Variants in DNAH9 observed in about 807,000 individuals in gnomAD.
DNAH9 encodes the protein DNAH9 variant protein.
DNAH9 carries 345 observed loss-of-function variants against 471.6 expected under a neutral mutation model. That is an observed-to-expected ratio of 0.73 (90% CI 0.67 to 0.80). DNAH9 has a LOEUF of 0.80. Ranked by LOEUF, DNAH9 falls within the 30% of genes least tolerant of loss-of-function variation. The probability of loss-of-function intolerance (pLI) is 0.00; values close to 1 mark genes in which losing one functional copy is unlikely to be tolerated. For synonymous variants in DNAH9, 2,093 were observed against 2,123.6 expected (o/e 0.99, Z 0.40); for missense variants, 5,407 against 5,609.2 (o/e 0.96, Z 1.15).
intron 32 of DNAH9, among the ~76,000 whole-genome samples, chr17:11,752,318 G>A (rs1967190952): frequency 6.6e-6 from 1 of 152,192 alleles, no homozygotes; most frequent in African/African-American, 2.4e-5. Flanking sequence ...GTTACTTGCT[G>A]TAATGATCCA....
At chr17:11,890,899 C>A (rs1268000088) in intron 57 of DNAH9, among the ~76,000 whole-genome samples, 4 of 152,126 alleles carry the variant, frequency 2.6e-5, no homozygotes, top group Admixed American at 6.5e-5. Context: ...CTTGCCCAGG[C>A]TCGTTTTGAA....
intron 28 of DNAH9, among the ~76,000 whole-genome samples, chr17:11,733,684 C>A (rs982293465): frequency 6.6e-6 from 1 of 151,868 alleles, no homozygotes. Flanking sequence ...AGTGAAACCC[C>A]GTCTCTACTA....
chr17:11,723,999 C>A (rs925238521), intron 27 of DNAH9, among the ~76,000 whole-genome samples: 3 of 152,040 alleles, frequency 2.0e-5, no homozygotes, highest in African/African-American at 7.2e-5. Flanking sequence ...TTTAAAACAT[C>A]TTTTTTATTG....
intron 48 of DNAH9, among the ~76,000 whole-genome samples, chr17:11,824,045 A>G (rs1970406513): frequency 6.6e-6 from 1 of 152,010 alleles, no homozygotes; most frequent in African/African-American, 2.4e-5. Flanking sequence ...CAATTTGCTC[A>G]TCTTCCCTTG....
At chr17:11,860,921 G>A (rs1025608751) in intron 50 of DNAH9, among the ~76,000 whole-genome samples, 6 of 151,898 alleles carry the variant, frequency 4.0e-5, no homozygotes, top group Non-Finnish European at 7.4e-5. Context: ...TCAATGTCTT[G>A]TTCCTTTGTG....
At chr17:11,879,026 A>G (rs899774443) in intron 53 of DNAH9, among the ~76,000 whole-genome samples, 7 of 152,110 alleles carry the variant, frequency 4.6e-5, no homozygotes, top group South Asian at 2.1e-4. Flanking sequence ...TTAATTAGAC[A>G]TGTCATTTTA....
intron 45 of DNAH9, among the ~76,000 whole-genome samples, chr17:11,810,898 A>C (rs567390162): frequency 2.0e-5 from 3 of 152,326 alleles, no homozygotes; most frequent in East Asian, 3.9e-4. Flanking sequence ...TCCCCAAAAA[A>C]CTTGACAGAG....
intron 49 of DNAH9, among the ~76,000 whole-genome samples, chr17:11,848,867 C>T (rs998117230): frequency 2.4e-4 from 36 of 151,712 alleles, no homozygotes; most frequent in African/African-American, 8.2e-4. Flanking sequence ...GATGGAGTCT[C>T]GCTCTGTCGC....
At chr17:11,873,555 C>A (rs1344381030) in intron 52 of DNAH9, 1 of 152,144 alleles carries the variant, frequency 6.6e-6, no homozygotes, top group African/African-American at 2.4e-5. Context: ...TTGGGCAGAA[C>A]AAACTTCAGA....
At chr17:11,604,502 A>G (rs2072456618) in intron 1 of DNAH9, among the ~76,000 whole-genome samples, 1 of 152,038 alleles carries the variant, frequency 6.6e-6, no homozygotes, top group Admixed American at 6.6e-5. Context: ...TGAACTCTCA[A>G]CTAGCATATC....
At chr17:11,841,058 T>C (rs1971013518) in intron 49 of DNAH9, among the ~76,000 whole-genome samples, 2 of 152,218 alleles carry the variant, frequency 1.3e-5, no homozygotes. Context: ...ATAGCTGTTC[T>C]TACAGTTCTG....
At chr17:11,796,487 T>G (rs1215804647) in intron 42 of DNAH9, among the ~76,000 whole-genome samples, 1 of 152,234 alleles carries the variant, frequency 6.6e-6, no homozygotes, top group Non-Finnish European at 1.5e-5. Flanking sequence ...CAGCCCTGGT[T>G]TCTCTATAGA....
In DNAH9 at chr17:11,781,127, G is replaced by A. The variant is rs143485595; in HGVS notation, c.7671G>A (p.Thr2557=). The A allele has an allele frequency of 1.0e-4, 167 of 1,614,150 alleles. 1 individual carries two copies. In the East Asian group the frequency reaches 2.4e-3, roughly 23 times the overall value. Residue 2557 remains threonine, a synonymous_variant, in exon 39 of 69, where the codon ACG becomes ACA. Coordinates refer to ENST00000262442, the MANE Select transcript of DNAH9 (RefSeq NM_001372.4). ...MNMPEVDAYG[T]VQPHTIIRQH... is the part of the protein sequence containing the mutation. ...TGCCTGAGGTGGATGCCTACGGGACGGTGCAGCCCCACACCATCATCCGGC... is the reference window on the plus strand; with the variant it reads ...TGCCTGAGGTGGATGCCTACGGGACAGTGCAGCCCCACACCATCATCCGGC...
chr17:11,885,380 C>T (rs551222148), intron 56 of DNAH9, among the ~76,000 whole-genome samples: 2 of 152,294 alleles, frequency 1.3e-5, no homozygotes, highest in African/African-American at 4.8e-5. Context: ...CCTGAGTTTC[C>T]GTTGTATAGG....
chr17:11,696,088 C>T (rs1450711806), intron 22 of DNAH9, among the ~76,000 whole-genome samples: 1 of 152,196 alleles, frequency 6.6e-6, no homozygotes, highest in Non-Finnish European at 1.5e-5. Context: ...CACGTCTGTT[C>T]CACCCACTAT....
intron 40 of DNAH9, 85 bp from the exon 41 acceptor site, chr17:11,784,215 A>G (rs1210134749): frequency 6.3e-7 from 1 of 1,582,440 alleles, no homozygotes; most frequent in Non-Finnish European, 8.6e-7. Flanking sequence ...CTGTATAAGA[A>G]TTTTCTGTTA....
intron 19 of DNAH9, among the ~76,000 whole-genome samples, chr17:11,687,429 G>A (rs930298021): frequency 6.6e-6 from 1 of 152,146 alleles, no homozygotes; most frequent in African/African-American, 2.4e-5. Context: ...CTTTCCATCT[G>A]TCAAGTCAAA....
intron 7 of DNAH9, 53 bp downstream of exon 7, chr17:11,629,637 T>G (rs2073031293): frequency 1.3e-6 from 2 of 1,538,432 alleles, no homozygotes; most frequent in Non-Finnish European, 1.8e-6. Flanking sequence ...CGGATGCCTC[T>G]CATCTGTAGG....
intron 8 of DNAH9, among the ~76,000 whole-genome samples, chr17:11,635,029 A>G (rs952832800): frequency 3.9e-5 from 6 of 152,198 alleles, no homozygotes; most frequent in African/African-American, 1.4e-4. Flanking sequence ...ATGTAATTTT[A>G]TATCGTGTTT....
Sources: gnomAD v4.1 joint callset for allele counts (sites outside exome capture counted in the v4.1 genomes callset) on GRCh38, gnomAD v4.1.1 for gene constraint, MANE v1.5 for transcripts, NCBI Gene and HGNC (gene_info 2026-07-23, HGNC 2026-07-21) for gene names.